The following NRXN3 variants were observed in gnomAD, a reference collection of about 807,000 sequenced individuals.
NRXN3 encodes the protein neurexin 3.
Under a neutral mutation model 137.6 loss-of-function variants are expected in NRXN3, and 32 were observed. The observed-to-expected ratio is 0.23, with a 90% CI of 0.18 to 0.31. NRXN3 has a LOEUF of 0.31. Ranked by LOEUF, NRXN3 falls within the 10% of genes least tolerant of loss-of-function variation. The pLI is 1.00. For synonymous variants in NRXN3, 798 were observed against 784.5 expected, an observed-to-expected ratio of 1.02 and a Z score of -0.29; for missense variants, 1,574 against 2,062.5, an observed-to-expected ratio of 0.76 and a Z score of 4.59.
At chr14:78,421,350 A>T (rs1298108435) in intron 4 of NRXN3, among the ~76,000 whole-genome samples, 2 of 152,148 alleles carry the variant, frequency 1.3e-5, no homozygotes, top group East Asian at 3.9e-4. Context: ...AAACAGCAAA[A>T]GTTAAAAATA....
chr14:78,698,042 C>G (rs888756114), intron 6 of NRXN3: 1 of 152,002 alleles, frequency 6.6e-6, no homozygotes, highest in Admixed American at 6.6e-5. Flanking sequence ...ATCAGGAAGC[C>G]GTACAGCACT....
At chr14:78,204,792 G>A (rs1353872716) in intron 1 of NRXN3, among the ~76,000 whole-genome samples, 6 of 152,190 alleles carry the variant, frequency 3.9e-5, no homozygotes, top group African/African-American at 7.2e-5. Flanking sequence ...ACAAATGTTA[G>A]CATAAATTCT....
At chr14:78,226,968 TA>T (rs2064754568) in intron 1 of NRXN3, among the ~76,000 whole-genome samples, 1 of 152,226 alleles carries the variant, frequency 6.6e-6, no homozygotes, top group African/African-American at 2.4e-5. Flanking sequence ...CAAATGCATT[TA>T]ATTACTGCAG....
intron 15 of NRXN3, among the ~76,000 whole-genome samples, chr14:79,133,207 A>G (rs984406547): frequency 4.6e-5 from 7 of 152,208 alleles, no homozygotes; most frequent in Non-Finnish European, 8.8e-5. Flanking sequence ...TTTTAATCAG[A>G]TGCATTGGCT....
intron 15 of NRXN3, among the ~76,000 whole-genome samples, chr14:79,349,915 A>C (rs1449437560): frequency 6.6e-6 from 1 of 152,132 alleles, no homozygotes; most frequent in South Asian, 2.1e-4. Context: ...TTTTGCCAAC[A>C]CCTTGATTTT....
At chr14:78,429,124 A>G (rs1598555663) in intron 4 of NRXN3, among the ~76,000 whole-genome samples, 2 of 151,988 alleles carry the variant, frequency 1.3e-5, no homozygotes, top group Non-Finnish European at 2.9e-5. Flanking sequence ...CACCCAGGCT[A>G]GAGTACAGTG....
intron 15 of NRXN3, among the ~76,000 whole-genome samples, chr14:79,343,583 A>G (rs2092720829): frequency 6.6e-6 from 1 of 152,184 alleles, no homozygotes; most frequent in Admixed American, 6.5e-5. Flanking sequence ...ATCTGCCAGA[A>G]GATGACCTAC....
At chr14:79,667,523 G>A (rs1397846559) in intron 17 of NRXN3, among the ~76,000 whole-genome samples, 1 of 151,914 alleles carries the variant, frequency 6.6e-6, no homozygotes, top group Non-Finnish European at 1.5e-5. Context: ...GAACCCAGCT[G>A]GGCACAGGGC....
chr14:78,224,017 C>A (rs1387192751), intron 1 of NRXN3, among the ~76,000 whole-genome samples: 1 of 152,038 alleles, frequency 6.6e-6, no homozygotes, highest in African/African-American at 2.4e-5. Context: ...GCCGTGGCCA[C>A]CTTATTAGTC....
chr14:78,994,222 G>A (rs996757858), intron 15 of NRXN3, among the ~76,000 whole-genome samples: 11 of 152,026 alleles, frequency 7.2e-5, no homozygotes, highest in South Asian at 2.1e-4. Context: ...GAAAGGTAGC[G>A]TGCCAGCAGG....
chr14:78,925,676 A>G (rs998585567), intron 10 of NRXN3, among the ~76,000 whole-genome samples: 3 of 152,166 alleles, frequency 2.0e-5, no homozygotes, highest in African/African-American at 7.2e-5. Flanking sequence ...ATTTAAATAT[A>G]GTTATTGAAA....
At chr14:79,527,635 G>A (rs2097132763) in intron 16 of NRXN3, among the ~76,000 whole-genome samples, 2 of 151,912 alleles carry the variant, frequency 1.3e-5, no homozygotes, top group Admixed American at 1.3e-4. Flanking sequence ...CACTTTGGGG[G>A]GCCAAGGTGG....
At chr14:79,106,602 T>C (rs970846885) in intron 15 of NRXN3, among the ~76,000 whole-genome samples, 1 of 152,178 alleles carries the variant, frequency 6.6e-6, no homozygotes, top group Non-Finnish European at 1.5e-5. Flanking sequence ...ACATAATTAC[T>C]TCACCTTACT....
At chr14:79,807,157 A>G (rs898970152) in intron 20 of NRXN3, among the ~76,000 whole-genome samples, 4 of 151,024 alleles carry the variant, frequency 2.6e-5, no homozygotes, top group Admixed American at 2.6e-4. Flanking sequence ...TATTTTGTGT[A>G]CAAATGCGGT....
At chr14:79,111,824 T>C (rs1208545506) in intron 15 of NRXN3, among the ~76,000 whole-genome samples, 1 of 150,694 alleles carries the variant, frequency 6.6e-6, no homozygotes, top group African/African-American at 2.4e-5. Context: ...CTAAAAAAAA[T>C]TGGGAAAAAA....
At chr14:79,560,973 C>T (rs577039569) in intron 16 of NRXN3, among the ~76,000 whole-genome samples, 28 of 152,284 alleles carry the variant, frequency 1.8e-4, no homozygotes, top group East Asian at 1.2e-3. Context: ...ATGAACCAGA[C>T]GCTGCTTGTG....
chr14:79,282,767 G>C (rs1566661360), intron 15 of NRXN3, among the ~76,000 whole-genome samples: 1 of 152,118 alleles, frequency 6.6e-6, no homozygotes, highest in African/African-American at 2.4e-5. Context: ...GGTCTGGCAT[G>C]GCTGAGATAA....
chr14:78,509,035 C>T (rs2096055362), intron 4 of NRXN3, among the ~76,000 whole-genome samples: 1 of 152,064 alleles, frequency 6.6e-6, no homozygotes, highest in South Asian at 2.1e-4. Context: ...CATGGTGGCT[C>T]ATGCTTGTAA....
At chr14:79,059,052 AGTC>A (rs1232871932) in intron 15 of NRXN3, among the ~76,000 whole-genome samples, 1 of 152,144 alleles carries the variant, frequency 6.6e-6, no homozygotes, top group East Asian at 1.9e-4. Context: ...TAAAAATGGA[AGTC>A]CTGTATATAC....
Sources: allele counts gnomAD v4.1 joint callset (sites outside exome capture counted in the v4.1 genomes callset), GRCh38; gene constraint gnomAD v4.1.1; transcripts MANE v1.5; gene names NCBI Gene and HGNC (gene_info 2026-07-23, HGNC 2026-07-21).